Variants in ARHGAP15 observed in about 807,000 individuals in gnomAD.
ARHGAP15 encodes the protein rho GTPase-activating protein 15.
ARHGAP15 carries 51 observed loss-of-function variants against 63.7 expected under a neutral mutation model. That is an observed-to-expected ratio of 0.80 (90% CI 0.64 to 1.01). The LOEUF (loss-of-function observed/expected upper bound fraction) is 1.01, where lower values mean the gene tolerates loss of function less well. Among genes scored for constraint, ARHGAP15 ranks in the 50% least tolerant of loss-of-function variants. The pLI is 0.00. For missense variants in ARHGAP15, 560 were observed against 564.6 expected, an observed-to-expected ratio of 0.99 and a Z score of 0.08; for synonymous variants, 191 against 193.8, an observed-to-expected ratio of 0.99 and a Z score of 0.12.
chr2:143,538,422 T>A (rs1006611520), intron 10 of ARHGAP15, among the ~76,000 whole-genome samples: 42 of 152,208 alleles, frequency 2.8e-4, no homozygotes, highest in African/African-American at 1.0e-3. Flanking sequence ...CTATGTTGAA[T>A]AGGAGTGGTG....
At chr2:143,340,793 G>T (rs1263462722) in intron 6 of ARHGAP15, among the ~76,000 whole-genome samples, 1 of 152,014 alleles carries the variant, frequency 6.6e-6, no homozygotes, top group Non-Finnish European at 1.5e-5. Context: ...CTAGTGGAAA[G>T]GTTGGTGGCA....
At chr2:143,727,182 C>T (rs1685319043) in intron 13 of ARHGAP15, among the ~76,000 whole-genome samples, 1 of 152,114 alleles carries the variant, frequency 6.6e-6, no homozygotes, top group Non-Finnish European at 1.5e-5. Context: ...GCATCAACTG[C>T]AATTAGAGGA....
intron 2 of ARHGAP15, 53 bp downstream of exon 2, chr2:143,155,708 A>T: frequency 6.7e-7 from 1 of 1,485,378 alleles, no homozygotes; most frequent in Non-Finnish European, 9.0e-7. Flanking sequence ...GAATTTTGTA[A>T]AAGGAAAAAA....
intron 10 of ARHGAP15, among the ~76,000 whole-genome samples, chr2:143,539,638 C>A (rs988765233): frequency 2.0e-5 from 3 of 152,194 alleles, no homozygotes; most frequent in Non-Finnish European, 4.4e-5. Context: ...TCATTAGGTA[C>A]CCAGTAGTCA....
chr2:143,255,642 G>GA (rs1169983469), intron 6 of ARHGAP15, among the ~76,000 whole-genome samples: 1 of 151,932 alleles, frequency 6.6e-6, no homozygotes, highest in Non-Finnish European at 1.5e-5. Flanking sequence ...AAGCCAAAAG[G>GA]AAAACTACTG....
chr2:143,709,338 T>C (rs1239797241), intron 13 of ARHGAP15, among the ~76,000 whole-genome samples: 1 of 152,200 alleles, frequency 6.6e-6, no homozygotes, highest in East Asian at 1.9e-4. Context: ...GTCTTAGAAA[T>C]GGGCAACTTT....
chr2:143,679,581 G>A (rs1262541547), intron 12 of ARHGAP15, among the ~76,000 whole-genome samples: 1 of 151,978 alleles, frequency 6.6e-6, no homozygotes, highest in Non-Finnish European at 1.5e-5. Context: ...AAACAGAAAA[G>A]CATGAAGATT....
chr2:143,272,480 G>GA (rs367860026), intron 6 of ARHGAP15, among the ~76,000 whole-genome samples: 39 of 151,722 alleles, frequency 2.6e-4, no homozygotes, highest in African/African-American at 9.4e-4. Flanking sequence ...AAAAGAAAAA[G>GA]AAAAAAACAA....
At chr2:143,186,302 T>C (rs916564429) in intron 2 of ARHGAP15, among the ~76,000 whole-genome samples, 12 of 152,232 alleles carry the variant, frequency 7.9e-5, no homozygotes, top group Admixed American at 4.6e-4. Flanking sequence ...AAAATTTTAC[T>C]TTAAAGGTTA....
intron 12 of ARHGAP15, among the ~76,000 whole-genome samples, chr2:143,701,205 T>C (rs924959209): frequency 2.0e-5 from 3 of 152,168 alleles, no homozygotes; most frequent in African/African-American, 7.2e-5. Context: ...CCAAATACCA[T>C]CTTCTGCAGG....
rs1553476588 is a variant in ARHGAP15, at chr2:143,413,927, TTGTG to T, written c.475-21637_475-21634del. Among the ~76,000 whole-genome samples the T allele has an allele frequency of 9.4e-4, 120 of 128,028 alleles. 1 individual carries two copies. The highest frequency in any genetic ancestry group is 6.5e-3 in the East Asian group (28 of 4,286). 84.0% of individuals were successfully genotyped at this position (128,028 alleles called of 152,430 possible). On this transcript the variant is annotated intron_variant, in intron 6 of 13. Transcript: ENST00000295095. ...AGTGCCCTAGATGGAAGGTAGGTAG[TTGTG>T]TGTGTGTGTGTGTGTGTGTGTGTGT...
chr2:143,328,364 G>C (rs186227063), intron 6 of ARHGAP15, among the ~76,000 whole-genome samples: 5 of 152,284 alleles, frequency 3.3e-5, no homozygotes, highest in African/African-American at 1.2e-4. Flanking sequence ...TGATAGACTG[G>C]ATAAAGAAAA....
intron 6 of ARHGAP15, among the ~76,000 whole-genome samples, chr2:143,301,950 A>G (rs948762116): frequency 6.6e-6 from 1 of 151,898 alleles, no homozygotes; most frequent in African/African-American, 2.4e-5. Flanking sequence ...ATATGATCCC[A>G]CTAGGTTAAT....
chr2:143,459,157 CTT>C (rs1690803104), intron 8 of ARHGAP15, among the ~76,000 whole-genome samples: 1 of 152,100 alleles, frequency 6.6e-6, no homozygotes, highest in Admixed American at 6.6e-5. Context: ...GACTTGAAAA[CTT>C]TAAGCAAGTC....
At chr2:143,755,273 A>T (rs1050199431) in intron 13 of ARHGAP15, among the ~76,000 whole-genome samples, 14 of 118,602 alleles carry the variant, frequency 1.2e-4, no homozygotes, top group African/African-American at 5.1e-4. Context: ...GCCAGCATAT[A>T]TGGGGGGGGG....
chr2:143,313,281 T>G (rs1391385482), intron 6 of ARHGAP15, among the ~76,000 whole-genome samples: 1 of 152,184 alleles, frequency 6.6e-6, no homozygotes, highest in East Asian at 1.9e-4. Context: ...CCATGAAGAC[T>G]GTTGATTTGT....
At chr2:143,213,614 A>T (rs146964486) in intron 3 of ARHGAP15, among the ~76,000 whole-genome samples, 1 of 152,328 alleles carries the variant, frequency 6.6e-6, no homozygotes, top group African/African-American at 2.4e-5. Flanking sequence ...TACGTGTAGA[A>T]ATCTGCATGT....
intron 2 of ARHGAP15, among the ~76,000 whole-genome samples, chr2:143,187,212 G>A (rs1030990127): frequency 1.3e-5 from 2 of 151,810 alleles, no homozygotes; most frequent in African/African-American, 2.4e-5. Flanking sequence ...ATTTCTTGGG[G>A]AAGACTCATT....
intron 5 of ARHGAP15, among the ~76,000 whole-genome samples, chr2:143,232,673 T>C (rs903205846): frequency 1.3e-5 from 2 of 152,196 alleles, no homozygotes; most frequent in Non-Finnish European, 2.9e-5. Flanking sequence ...AGTTGTCCCT[T>C]TGTCATCATA....
Sources: allele counts gnomAD v4.1 joint callset (sites outside exome capture counted in the v4.1 genomes callset), GRCh38; gene constraint gnomAD v4.1.1; transcripts MANE v1.5; gene names NCBI Gene and HGNC (gene_info 2026-07-23, HGNC 2026-07-21).